Variants in OCA2 observed in about 807,000 individuals in gnomAD.
OCA2 encodes P protein.
In OCA2, 77 loss-of-function variants were observed where a neutral mutation model predicts 100.2. That is an observed-to-expected ratio of 0.77 (90% confidence interval 0.64 to 0.93). OCA2 has a LOEUF of 0.93. Among genes scored for constraint, OCA2 ranks in the 40% least tolerant of loss-of-function variants. The probability of loss-of-function intolerance (pLI) is 0.00; values close to 1 mark genes in which losing one functional copy is unlikely to be tolerated. For missense variants in OCA2, 1,062 were observed against 1,089.1 expected, an observed-to-expected ratio of 0.98 and a Z score of 0.35; for synonymous variants, 432 against 439.2, an observed-to-expected ratio of 0.98 and a Z score of 0.21.
In OCA2 at chr15:27,869,095, G is replaced by A. The variant is rs931671966; in HGVS notation, c.2244+2059C>T. 5.3e-5 allele frequency among the ~76,000 whole-genome samples: 8 copies of A among 152,198 alleles called. No homozygotes were observed. In the East Asian group the frequency reaches 5.8e-4, roughly 11 times the overall value. On this transcript the variant is annotated intron_variant, in intron 21 of 23. Coordinates refer to ENST00000354638, the MANE Select transcript of OCA2 (RefSeq NM_000275.3). ...CCCAGTGGCTCCCCATGTCCCTCCC[G>A]TGATGTGGCCACTGCAGACACCTCA...
chr15:27,988,996 A>G (rs2041455335), intron 11 of OCA2, among the ~76,000 whole-genome samples: 1 of 152,208 alleles, frequency 6.6e-6, no homozygotes, highest in South Asian at 2.1e-4. Context: ...CCAGAGAGGA[A>G]GAGCCCTCCT....
At chr15:27,824,614 A>ATATATATATATATATATATATATATC (rs2034642321) in intron 23 of OCA2, among the ~76,000 whole-genome samples, 1 of 34,838 alleles carries the variant, frequency 2.9e-5, no homozygotes, top group African/African-American at 1.6e-4. Context: ...ATATATATAT[A>ATATATATATATATATATATATATATC]TATATATAAT....
chr15:27,825,330 T>C (rs1364919053), intron 23 of OCA2, among the ~76,000 whole-genome samples: 1 of 152,168 alleles, frequency 6.6e-6, no homozygotes, highest in Non-Finnish European at 1.5e-5. Context: ...GTTTCCATCC[T>C]GAAGGGCTCC....
chr15:27,739,440 C>CTTTTT, the OCA2 span, among the ~76,000 whole-genome samples: 27 of 100,062 alleles, frequency 2.7e-4, no homozygotes, highest in East Asian at 7.6e-4. Context: ...TAATTTCTTT[C>CTTTTT]TTTTTTTTTT....
rs1299927948 is a variant in OCA2 at position 28,043,476 on chromosome 15, C to G, written c.228-11313G>C. On this transcript the variant is annotated intron_variant, in intron 2 of 23. Coordinates refer to ENST00000354638, the MANE Select transcript of OCA2 (RefSeq NM_000275.3). The surrounding 1 kb of genome is among the most constrained non-coding windows in gnomAD (Gnocchi z 4.4). ...GTGCCCATTTTTTCTGGGGCTTACA[C>G]ACAGGTAGTAAAACAGAACATTCGA... 6.6e-6 allele frequency among the ~76,000 whole-genome samples: 1 copy of G among 152,184 alleles called. No homozygotes were observed. The highest frequency in any genetic ancestry group is 1.5e-5 in the Non-Finnish European group (1 of 68,038).
At chr15:27,983,675 A>G (rs111867056) in intron 13 of OCA2, among the ~76,000 whole-genome samples, 192 bp from the exon 14 acceptor site, 3,930 of 152,120 alleles carry the variant, frequency 0.026, 183 homozygotes, top group African/African-American at 0.09. Context: ...TCACTCCGAG[A>G]GTTACATTCC....
chr15:27,810,736 T>A (rs1213252568), intron 23 of OCA2, among the ~76,000 whole-genome samples: 1 of 152,042 alleles, frequency 6.6e-6, no homozygotes, highest in Admixed American at 6.6e-5. Flanking sequence ...ATTCTCCGAA[T>A]AAGATATACA....
intron 2 of OCA2, among the ~76,000 whole-genome samples, chr15:28,069,212 A>G (rs1464105676): frequency 6.6e-6 from 1 of 152,108 alleles, no homozygotes; most frequent in African/African-American, 2.4e-5. Context: ...CCTAGAATTG[A>G]TAAATGACTT....
chr15:28,095,231 C>G (rs1352381046), intron 1 of OCA2, among the ~76,000 whole-genome samples: 1 of 152,148 alleles, frequency 6.6e-6, no homozygotes, highest in Non-Finnish European at 1.5e-5. Flanking sequence ...GGCGGATCCC[C>G]GGTTGGCGCC....
chr15:27,924,741 CA>C, intron 19 of OCA2, among the ~76,000 whole-genome samples: 2 of 151,886 alleles, frequency 1.3e-5, no homozygotes, highest in East Asian at 3.9e-4. Context: ...AGTAAGAAAG[CA>C]GTAAAAGATA....
At chr15:27,820,230 C>A (rs555217371) in intron 23 of OCA2, among the ~76,000 whole-genome samples, 1 of 152,318 alleles carries the variant, frequency 6.6e-6, no homozygotes, top group African/African-American at 2.4e-5. Flanking sequence ...CCTCCTCGAG[C>A]GGGGAGCAAA....
intron 23 of OCA2, among the ~76,000 whole-genome samples, chr15:27,791,715 A>G (rs2033091171): frequency 6.6e-6 from 1 of 152,212 alleles, no homozygotes; most frequent in Admixed American, 6.5e-5. Context: ...GAGGAGAAGC[A>G]GGGAAGATTC....
intron 9 of OCA2, among the ~76,000 whole-genome samples, chr15:27,995,401 T>C (rs1281142174): frequency 1.3e-5 from 2 of 152,164 alleles, no homozygotes; most frequent in African/African-American, 4.8e-5. Flanking sequence ...TTAAAAAAAA[T>C]TTTGTCTTAG....
intron 18 of OCA2, among the ~76,000 whole-genome samples, chr15:27,939,293 A>T (rs919100623): frequency 2.0e-5 from 3 of 152,232 alleles, no homozygotes; most frequent in African/African-American, 7.2e-5. Flanking sequence ...AATTAATTGA[A>T]ATGTTGGCCA....
intron 2 of OCA2, among the ~76,000 whole-genome samples, chr15:28,070,100 T>C (rs1466657913): frequency 5.4e-5 from 6 of 110,220 alleles, no homozygotes; most frequent in African/African-American, 1.3e-4. Flanking sequence ...CGAGACCCCG[T>C]CTGGGAGGTG....
chr15:27,752,810 C>G (rs916416545), downstream of OCA2, among the ~76,000 whole-genome samples: 2 of 129,058 alleles, frequency 1.5e-5, no homozygotes, highest in South Asian at 3.5e-4. Flanking sequence ...ACCCCCCCCC[C>G]CCCCCCAGAG....
intron 23 of OCA2, among the ~76,000 whole-genome samples, chr15:27,797,196 A>G (rs538487676): frequency 6.6e-6 from 1 of 152,326 alleles, no homozygotes; most frequent in Admixed American, 6.5e-5. Flanking sequence ...GAAAGATGGA[A>G]TTTCAGCCTT....
At chr15:28,009,091 G>T (rs567577333) in intron 9 of OCA2, among the ~76,000 whole-genome samples, 40 of 152,326 alleles carry the variant, frequency 2.6e-4, no homozygotes, top group African/African-American at 9.1e-4. Flanking sequence ...GCTGGCGATT[G>T]CATCCAGCCC....
intron 23 of OCA2, among the ~76,000 whole-genome samples, chr15:27,759,590 A>G (rs1030375908): frequency 2.0e-5 from 3 of 151,664 alleles, no homozygotes; most frequent in South Asian, 2.1e-4. Context: ...GATATTGCAT[A>G]TAGATAAAGC....
Sources: gnomAD v4.1 joint callset for allele counts (sites outside exome capture counted in the v4.1 genomes callset) on GRCh38, gnomAD v4.1.1 for gene constraint, Gnocchi (gnomAD v3.1) non-coding constraint, MANE v1.5 for transcripts, NCBI Gene and HGNC (gene_info 2026-07-23, HGNC 2026-07-21) for gene names.